GATA2: variants seen among roughly 807,000 people sequenced by gnomAD.
GATA2 encodes GATA binding protein 2.
GATA2 carries 6 observed loss-of-function variants against 35.7 expected under a neutral mutation model. The ratio of observed to expected loss-of-function variants is 0.17; its 90% CI spans 0.09 to 0.33. The LOEUF is 0.33. Ranked by LOEUF, GATA2 falls within the 10% of genes least tolerant of loss-of-function variation. The probability of loss-of-function intolerance (pLI) is 1.00; values close to 1 mark genes in which losing one functional copy is unlikely to be tolerated. For synonymous variants in GATA2, 313 were observed against 274.9 expected (o/e 1.14, Z -1.37); for missense variants, 541 against 656.6 (o/e 0.82, Z 1.92).
At chr3:128,484,031 G>A in intron 3 of GATA2, 26 bp from the exon 4 acceptor site, 5 of 1,608,666 alleles carry the variant, frequency 3.1e-6, no homozygotes, top group Non-Finnish European at 3.4e-6. Flanking sequence ...GAGAGACACG[G>A]GGGCCTGCTT....
Position 128,480,917 on chromosome 3 carries a change from C to A in GATA2, c.*102G>T. ...CCAGGAGAGGGGGTGCTGGGCCGAG[C>A]CGGGCTGGCAGGAGTGGTGTCGGCC... On this transcript the variant is annotated 3_prime_UTR_variant, in exon 6 of 6. Transcript: ENST00000341105. 1 of 1,336,422 alleles carries A rather than the reference C, an allele frequency of 7.5e-7. No homozygotes were observed. Among genetic ancestry groups the A allele is most frequent in the Non-Finnish European group, 1.0e-6 (1 of 995,974 alleles). The allele number at this position is 1,336,422 out of a possible 1,614,324, so 82.8% of individuals were successfully genotyped here.
chr3:128,483,114 G>T (rs1026494275), intron 4 of GATA2, among the ~76,000 whole-genome samples: 4 of 152,240 alleles, frequency 2.6e-5, no homozygotes, highest in African/African-American at 9.6e-5. Context: ...GGAAAAAAAG[G>T]CCCCCAAAGC....
Position 128,486,790 on chromosome 3 carries a change from G to A in GATA2, c.229+13C>T, listed in dbSNP as rs772223899. On this transcript the variant is annotated intron_variant, in intron 2 of 5. Coordinates refer to ENST00000341105, the MANE Select transcript of GATA2 (RefSeq NM_032638.5). The stretch of plus-strand genomic sequence containing the variant: ...GGCGCCTGGGTTCTCATCACCACGG[G>A]CCCAGTGCTCACCGTGCGCGGGGCT... 8.2e-6 allele frequency: 13 copies of A among 1,588,808 alleles called. No individual in the cohort carries two copies. The highest frequency in any genetic ancestry group is 1.1e-5 in the Non-Finnish European group (13 of 1,168,604).
At position 128,481,002 on chromosome 3, in the gene GATA2, C is replaced by A. The variant is rs371226230; in HGVS notation, c.*17G>T. 6.5e-7 allele frequency: 1 copy of A among 1,538,726 alleles called. No homozygotes were observed. The highest frequency in any genetic ancestry group is 1.9e-5 in the Admixed American group (1 of 51,432). On this transcript the variant is annotated 3_prime_UTR_variant, in exon 6 of 6. Coordinates refer to ENST00000341105, the MANE Select transcript of GATA2 (RefSeq NM_032638.5). ...ACCCATCCCGGGAGTGCCCGGTCCT[C>A]GACGTCCATCTGTTCCCTAGCCCAT...
chr3:128,482,138 G>A lies in GATA2; in HGVS notation c.1018-194C>T, dbSNP rs140421363. On this transcript the variant is annotated intron_variant, in intron 4 of 5. Coordinates refer to ENST00000341105, the MANE Select transcript of GATA2 (RefSeq NM_032638.5). ...ATAAGTCAAGACTCACAGAACTTTG[G>A]AATAAAGAACTCTCAGAAGCCTGAT... The A allele has an allele frequency of 0.011, 8,082 of 711,502 alleles. 68 individuals carry two copies. Among genetic ancestry groups the A allele is most frequent in the Non-Finnish European group, 0.014 (6,102 of 439,658 alleles). The allele number at this position is 711,502 out of a possible 1,614,324, so 44.1% of individuals were successfully genotyped here.
At chr3:128,484,113 C>T in intron 3 of GATA2, 108 bp from the exon 4 acceptor site, 2 of 1,434,784 alleles carry the variant, frequency 1.4e-6, no homozygotes, top group Non-Finnish European at 1.9e-6. Flanking sequence ...GCCTCTCAGG[C>T]ACACGGTTGG....
chr3:128,487,119 C>T, intron 1 of GATA2, 43 bp from the exon 2 acceptor site: 1 of 1,160,520 alleles, frequency 8.6e-7, no homozygotes, highest in South Asian at 1.5e-5. Context: ...CAGCGCCTGA[C>T]ACCCCCCAAA....
Position 128,480,039 on chromosome 3 carries a change from A to C in GATA2, c.*980T>G, listed in dbSNP as rs1238469986. 4.3e-6 allele frequency: 1 copy of C among 232,940 alleles called. No homozygotes were observed. The highest frequency in any genetic ancestry group is 1.8e-4 in the South Asian group (1 of 5,528). The allele number at this position is 232,940 out of a possible 1,614,324, so 14.4% of individuals were successfully genotyped here. On this transcript the variant is annotated 3_prime_UTR_variant, in exon 6 of 6. Transcript: ENST00000341105. Reference sequence around the variant, plus strand: ...TTCCAAAAAGAATTGCAAAGCTCCAACCTTGTGTGTAGGTTTTATTCCTTT... The same window carrying C: ...TTCCAAAAAGAATTGCAAAGCTCCACCCTTGTGTGTAGGTTTTATTCCTTT...
Position 128,481,120 on chromosome 3 carries a change from G to A in GATA2, c.1342C>T (p.His448Tyr). The A allele has an allele frequency of 1.2e-6, 2 of 1,614,212 alleles. No individual in the cohort carries two copies. Among genetic ancestry groups the A allele is most frequent in the Non-Finnish European group, 1.7e-6 (2 of 1,180,036 alleles). The change falls in exon 6 of 6, where the codon CAC becomes TAC. Residue 448 changes from histidine to tyrosine, a missense_variant. Physicochemically the swap from His to Tyr is moderately conservative, Grantham distance 83. Coordinates refer to ENST00000341105, the MANE Select transcript of GATA2 (RefSeq NM_032638.5). ...APVGHLPPFSHSGHILPTPTP... is the reference protein window; with the variant it reads ...APVGHLPPFSYSGHILPTPTP... ...GGAGTGGGCAGGATGTGTCCGGAGT[G>A]GCTGAAGGGCGGGAGGTGGCCCACA...
chr3:128,491,973 C>T (rs2107677334), intron 1 of GATA2: 1 of 152,384 alleles, frequency 6.6e-6, no homozygotes, highest in East Asian at 1.9e-4. Flanking sequence ...GAAACGCTCC[C>T]CAGACGCCTC....
At position 128,486,965 on chromosome 3, in the gene GATA2, C is replaced by T. The variant is rs760183425; in HGVS notation, c.67G>A (p.Asp23Asn). 3 of 1,611,508 alleles carry T rather than the reference C, an allele frequency of 1.9e-6. No individual in the cohort carries two copies. Among genetic ancestry groups the T allele is most frequent in the African/African-American group, 2.7e-5 (2 of 74,876 alleles). Residue 23 changes from aspartate (D) to asparagine (N), a missense_variant, in exon 2 of 6, where the codon GAC (aspartate) becomes AAC (asparagine). By Grantham distance (23) the Asp-to-Asn change is conservative. Coordinates refer to ENST00000341105, the MANE Select transcript of GATA2 (RefSeq NM_032638.5). ...TGCGCCAGGCCCGGGTGGTGTGAGT[C>T]GGGGTGCTGCGCATTCAGCACGGCC... ...HPAVLNAQHP[D>N]SHHPGLAHNY...
In GATA2 at chr3:128,483,374, T is replaced by A. The variant is rs2068654762; in HGVS notation, c.1017+486A>T. On this transcript the variant is annotated intron_variant, in intron 4 of 5. Coordinates refer to ENST00000341105, the MANE Select transcript of GATA2 (RefSeq NM_032638.5). The stretch of plus-strand genomic sequence containing the variant: ...GCAGGAGATCCGAAAGGGCATTTTT[T>A]TAAAATCACTCAAATGAAAATACAC... Among the ~76,000 whole-genome samples the A allele has an allele frequency of 1.3e-5, 2 of 152,204 alleles. No homozygotes were observed. The highest frequency in any genetic ancestry group is 4.8e-5 in the African/African-American group (2 of 41,444).
Position 128,485,964 on chromosome 3 carries a change from T to C in GATA2, c.634A>G (p.Lys212Glu). The C allele has an allele frequency of 6.2e-7, 1 of 1,614,178 alleles. No homozygotes were observed. Among genetic ancestry groups the C allele is most frequent in the Non-Finnish European group, 8.5e-7 (1 of 1,180,024 alleles). ...AARGEDKDGV[K>E]YQVSLTESMK... ...CTCTCCGTCAGTGACACCTGGTACTTGACGCCGTCCTTGTCCTCTCCTCGG... is the reference window on the plus strand; with the variant it reads ...CTCTCCGTCAGTGACACCTGGTACTCGACGCCGTCCTTGTCCTCTCCTCGG... Residue 212 changes from lysine to glutamate, a missense_variant, in exon 3 of 6, where the codon AAG becomes GAG. Around this residue, in one of 5 missense-constraint regions of GATA2, gnomAD observed 389 missense variants for 396.9 expected, o/e 0.98. Transcript: ENST00000341105.
At position 128,481,789 on chromosome 3, in the gene GATA2, G is replaced by T. The variant is rs770409994; in HGVS notation, c.1143+30C>A. 3 of 1,605,964 alleles carry T rather than the reference G, an allele frequency of 1.9e-6. No homozygotes were observed. The East Asian group carries it at 6.7e-5, about 36-fold the overall frequency. On this transcript the variant is annotated intron_variant, in intron 5 of 5. Transcript: ENST00000341105. The stretch of plus-strand genomic sequence containing the variant: ...CAAAGCGCAGAGGTCCCCTGGGAGG[G>T]GCGGGGTGGCCGGGGCGGGGCGCAC...
chr3:128,491,842 G>A (rs1181461268), intron 1 of GATA2, among the ~76,000 whole-genome samples: 2 of 152,148 alleles, frequency 1.3e-5, no homozygotes, highest in African/African-American at 2.4e-5. Flanking sequence ...CAATCGGGCC[G>A]TGCTTCTCCC....
At chr3:128,483,619 C>A (rs2068657537) in intron 4 of GATA2, among the ~76,000 whole-genome samples, 1 of 152,154 alleles carries the variant, frequency 6.6e-6, no homozygotes, top group African/African-American at 2.4e-5. Context: ...TTCGGGGATC[C>A]CGGAGCAGAG....
At chr3:128,486,502 CAT>C (rs2068702168) in intron 2 of GATA2, 134 bp from the exon 3 acceptor site, 3 of 1,095,164 alleles carry the variant, frequency 2.7e-6, no homozygotes, top group South Asian at 3.0e-5. Context: ...AAGCCAGAAA[CAT>C]AATACCCCAC....
At chr3:128,486,689 A>T in intron 2 of GATA2, 114 bp downstream of exon 2, 1 of 1,128,230 alleles carries the variant, frequency 8.9e-7, no homozygotes, top group Non-Finnish European at 1.3e-6. Flanking sequence ...CCAATTTTTC[A>T]GCAGCTCGAT....
In GATA2 at chr3:128,486,247, G is replaced by T; in HGVS notation, c.351C>A (p.Thr117=). Reference sequence around the variant, plus strand: ...GTGGCGTCTTGGAGAAGGGGCTCACGGTCCAGGGGTTGTGGTGGTGGGCCG... The same window carrying T: ...GTGGCGTCTTGGAGAAGGGGCTCACTGTCCAGGGGTTGTGGTGGTGGGCCG... ...AAAAHHHNPW[T]VSPFSKTPLH... The change falls in exon 3 of 6, where the codon ACC becomes ACA. Residue 117 remains threonine (T), a synonymous_variant. Transcript: ENST00000341105. 2.6e-6 allele frequency: 4 copies of T among 1,565,734 alleles called. No homozygotes were observed. In the South Asian group the frequency reaches 3.5e-5, roughly 14 times the overall value.
Sources: gnomAD v4.1 joint callset for allele counts (sites outside exome capture counted in the v4.1 genomes callset) on GRCh38, gnomAD v4.1.1 for gene constraint, gnomAD v4.1.1 regional missense constraint, MANE v1.5 for transcripts, NCBI Gene and HGNC (gene_info 2026-07-23, HGNC 2026-07-21) for gene names.